SRPRA: variants seen among roughly 807,000 people sequenced by gnomAD.
SRPRA encodes the protein signal recognition particle receptor subunit alpha.
A neutral mutation model predicts 61.1 loss-of-function variants in SRPRA; 30 were observed. That is an observed-to-expected ratio of 0.49 (90% CI 0.37 to 0.67). The LOEUF is 0.67. Ranked by LOEUF, SRPRA falls within the 30% of genes least tolerant of loss-of-function variation. SRPRA has a pLI of 0.00. For missense variants in SRPRA, 759 were observed against 828.4 expected (o/e 0.92, Z 1.03); for synonymous variants, 324 against 299.7 (o/e 1.08, Z -0.84).
At chr11:126,262,333 T>TC (rs567901514), downstream of SRPRA, 62 of 507,972 alleles carry the variant, frequency 1.2e-4, 2 homozygotes, top group South Asian at 1.3e-3. Context: ...TGCCGCCTGT[T>TC]CAAGTTCAAG....
At chr11:126,242,677 A>G in the SRPRA span, among the ~76,000 whole-genome samples, 2 of 152,240 alleles carry the variant, frequency 1.3e-5, no homozygotes, top group Admixed American at 1.3e-4. Context: ...AATCAAAACC[A>G]CAACAAGGTG....
the SRPRA span, among the ~76,000 whole-genome samples, chr11:126,236,448 T>C: frequency 6.6e-6 from 1 of 152,222 alleles, no homozygotes; most frequent in African/African-American, 2.4e-5. Context: ...TTGTATGACC[T>C]CTTTCCCTGT....
At chr11:126,256,657 T>C in the SRPRA span, 1 of 1,614,200 alleles carries the variant, frequency 6.2e-7, no homozygotes, top group African/African-American at 1.3e-5. The surrounding 1 kb of genome is among the most constrained non-coding windows in gnomAD (Gnocchi z 6.6). Context: ...GGCCCTTTTC[T>C]TGGAGGCTGT....
At chr11:126,239,717 T>G in the SRPRA span, among the ~76,000 whole-genome samples, 2 of 152,230 alleles carry the variant, frequency 1.3e-5, no homozygotes, top group Non-Finnish European at 2.9e-5. Flanking sequence ...TTTCACCATG[T>G]TGGCCAGGCT....
At chr11:126,249,700 C>G in the SRPRA span, among the ~76,000 whole-genome samples, 1 of 143,036 alleles carries the variant, frequency 7.0e-6, no homozygotes, top group East Asian at 2.1e-4. Context: ...CCACTGCACT[C>G]CAGCCTGGGT....
At chr11:126,254,290 A>G in the SRPRA span, 1 of 1,612,852 alleles carries the variant, frequency 6.2e-7, no homozygotes, top group South Asian at 1.1e-5. Flanking sequence ...GTTGGGCTAT[A>G]TGTGTGTTGT....
Position 126,265,254 on chromosome 11 carries a change from G to A in SRPRA, c.1311+14C>T. ...TACAGAAATATCAGCGATAGGCTGG[G>A]GAACTGCACTGACCTTGGCAAGATT... On this transcript the variant is annotated intron_variant, in intron 10 of 13. Transcript: ENST00000332118. This position sits in a 1 kb window ranked among gnomAD's most constrained non-coding sequence, Gnocchi z 6.3. The A allele has an allele frequency of 4.3e-6, 7 of 1,613,610 alleles. No homozygotes were observed. Among genetic ancestry groups the A allele is most frequent in the Non-Finnish European group, 4.2e-6 (5 of 1,179,542 alleles).
chr11:126,266,672 G>A, intron 5 of SRPRA, 43 bp from the exon 6 acceptor site: 1 of 1,609,202 alleles, frequency 6.2e-7, no homozygotes, highest in South Asian at 1.1e-5. Flanking sequence ...GGAGAAGTAG[G>A]AAAGGAAACA....
chr11:126,254,242 T>C, the SRPRA span: 483 of 1,571,350 alleles, frequency 3.1e-4, 2 homozygotes, highest in African/African-American at 6.1e-3. Context: ...CTCTTGCCCA[T>C]TGTGACCTTT....
At chr11:126,258,675 A>G (rs1342249383), downstream of SRPRA, among the ~76,000 whole-genome samples, 1 of 152,198 alleles carries the variant, frequency 6.6e-6, no homozygotes, top group Non-Finnish European at 1.5e-5. Flanking sequence ...CCCACACTTG[A>G]GACTTTGAGA....
At chr11:126,251,893 G>A in the SRPRA span, among the ~76,000 whole-genome samples, 10 of 152,090 alleles carry the variant, frequency 6.6e-5, no homozygotes, top group African/African-American at 2.4e-4. Flanking sequence ...TGTTGGTCAG[G>A]CTAGTCTCAA....
the SRPRA span, among the ~76,000 whole-genome samples, chr11:126,256,062 G>A: frequency 1.3e-5 from 2 of 152,164 alleles, no homozygotes; most frequent in South Asian, 2.1e-4. The surrounding 1 kb of genome is among the most constrained non-coding windows in gnomAD (Gnocchi z 6.6). Flanking sequence ...CTCGAGGTCG[G>A]GAGTACCAGA....
At position 126,266,461 on chromosome 11, in the gene SRPRA, C is replaced by A. The variant is rs1950812029; in HGVS notation, c.840+15G>T. On this transcript the variant is annotated intron_variant, in intron 6 of 13. Transcript: ENST00000332118. ...TTTGTTGTTAAAGATCACTTTGACCCCTGTTACCTCTTACCAGGTTGATGT... is the reference window on the plus strand; with the variant it reads ...TTTGTTGTTAAAGATCACTTTGACCACTGTTACCTCTTACCAGGTTGATGT... The A allele has an allele frequency of 3.1e-6, 5 of 1,610,734 alleles. No homozygotes were observed. The South Asian group carries it at 5.5e-5, about 18-fold the overall frequency.
rs1229986356 is a variant in SRPRA at position 126,265,642 on chromosome 11, T to C, written c.1138+95A>G. 7.1e-7 allele frequency: 1 copy of C among 1,405,054 alleles called. No individual in the cohort carries two copies. The highest frequency in any genetic ancestry group is 9.9e-7 in the Non-Finnish European group (1 of 1,005,028). 87.0% of individuals were successfully genotyped at this position (1,405,054 alleles called of 1,614,324 possible). ...AATCTAGGTTACAGAGGTTTAGAGG[T>C]TAAGGAATTTGCCGAAAGTCACATA... On this transcript the variant is annotated intron_variant, in intron 9 of 13. Transcript: ENST00000332118. The surrounding 1 kb of genome is among the most constrained non-coding windows in gnomAD (Gnocchi z 6.3).
the SRPRA span, among the ~76,000 whole-genome samples, chr11:126,247,764 A>G: frequency 6.6e-6 from 1 of 151,374 alleles, no homozygotes; most frequent in African/African-American, 2.4e-5. Context: ...AGGCTGAGGC[A>G]GGGGAATTGC....
At chr11:126,237,205 C>T in the SRPRA span, among the ~76,000 whole-genome samples, 365 of 137,556 alleles carry the variant, frequency 2.7e-3, 5 homozygotes, top group Non-Finnish European at 4.5e-3. Context: ...CGTGAGCCAC[C>T]GCGCCTGGCC....
Position 126,265,295 on chromosome 11 carries a change from T to A in SRPRA, c.1284A>T (p.Gly428=), listed in dbSNP as rs912610089. 1 of 1,614,100 alleles carries A rather than the reference T, an allele frequency of 6.2e-7. No homozygotes were observed. The highest frequency in any genetic ancestry group is 8.5e-7 in the Non-Finnish European group (1 of 1,180,020). Residue 428 remains glycine, a synonymous_variant, in exon 10 of 14, where the codon GGA becomes GGT. Coordinates refer to ENST00000332118, the MANE Select transcript of SRPRA (RefSeq NM_003139.4). The surrounding 1 kb of genome is among the most constrained non-coding windows in gnomAD (Gnocchi z 6.3). ...TGGCAAGATTAGTAGATTTCCCCAC[T>A]CCATTAACGCCGCAGAAGGTGACGA... ...PYVVTFCGVN[G]VGKSTNLAKI...
chr11:126,267,859 C>T lies in SRPRA; in HGVS notation c.201+144G>A. 1 of 1,371,958 alleles carries T rather than the reference C, an allele frequency of 7.3e-7. No individual in the cohort carries two copies. Among genetic ancestry groups the T allele is most frequent in the Non-Finnish European group, 1.0e-6 (1 of 985,918 alleles). 85.0% of individuals were successfully genotyped at this position (1,371,958 alleles called of 1,614,324 possible). On this transcript the variant is annotated intron_variant, in intron 2 of 13. Transcript: ENST00000332118. The surrounding 1 kb of genome is among the most constrained non-coding windows in gnomAD (Gnocchi z 4.2). ...GAGGCAGCCAAGCTCCCTGCCTGGG[C>T]CCAGTAGCTGCTGTTTTCCCCCATC...
the SRPRA span, chr11:126,241,026 T>A: frequency 6.2e-7 from 1 of 1,601,384 alleles, no homozygotes; most frequent in Non-Finnish European, 8.5e-7. Flanking sequence ...CCCATGACCT[T>A]ATCCAGAAAC....
Sources: allele counts gnomAD v4.1 joint callset (sites outside exome capture counted in the v4.1 genomes callset), GRCh38; gene constraint gnomAD v4.1.1; non-coding constraint Gnocchi (gnomAD v3.1); transcripts MANE v1.5; gene names NCBI Gene and HGNC (gene_info 2026-07-23, HGNC 2026-07-21).